The following FSD1L variants were observed in gnomAD, a reference collection of about 807,000 sequenced individuals.
FSD1L encodes the protein fibronectin type III and SPRY domain containing 1 like, also known as FSD1-like protein.
In FSD1L, 45 loss-of-function variants were observed where a neutral mutation model predicts 71.6. The ratio of observed to expected loss-of-function variants is 0.63; its 90% CI spans 0.49 to 0.81. The LOEUF is 0.81. Ranked by LOEUF, FSD1L falls within the 30% of genes least tolerant of loss-of-function variation. The probability of loss-of-function intolerance (pLI) is 0.00; values close to 1 mark genes in which losing one functional copy is unlikely to be tolerated. For missense variants in FSD1L, 561 were observed against 618.1 expected (o/e 0.91, Z 0.98); for synonymous variants, 197 against 207.2 (o/e 0.95, Z 0.42).
chr9:105,462,414 T>C (rs1192908360), intron 2 of FSD1L, among the ~76,000 whole-genome samples: 2 of 151,852 alleles, frequency 1.3e-5, no homozygotes, highest in African/African-American at 4.8e-5. Flanking sequence ...AGAGACAGGG[T>C]TTCGCCATGT....
chr9:105,540,164 T>A (rs533557647), intron 13 of FSD1L, among the ~76,000 whole-genome samples: 5 of 152,228 alleles, frequency 3.3e-5, no homozygotes, highest in South Asian at 2.1e-4. Context: ...TTTTAAAAAA[T>A]TTTTTGTCCT....
chr9:105,528,156 G>A (rs146901544), intron 10 of FSD1L, among the ~76,000 whole-genome samples: 2 of 152,110 alleles, frequency 1.3e-5, no homozygotes, highest in African/African-American at 2.4e-5. Context: ...CAAACAAATG[G>A]AAAAACATTC....
chr9:105,504,393 AT>A (rs1274130654), intron 7 of FSD1L, among the ~76,000 whole-genome samples: 1 of 152,220 alleles, frequency 6.6e-6, no homozygotes, highest in South Asian at 2.1e-4. Flanking sequence ...ACAATTACAC[AT>A]GTAGAATTTA....
chr9:105,520,036 T>C, intron 10 of FSD1L: 2 of 1,487,910 alleles, frequency 1.3e-6, no homozygotes, highest in South Asian at 1.3e-5. Flanking sequence ...TGAGCCTCTC[T>C]GGCTAGTCTC....
intron 7 of FSD1L, among the ~76,000 whole-genome samples, chr9:105,504,892 A>G (rs574977106): frequency 6.6e-6 from 1 of 152,308 alleles, no homozygotes; most frequent in South Asian, 2.1e-4. Flanking sequence ...GAACAGGGTT[A>G]TATTTGTGGA....
At chr9:105,533,586 C>T (rs1448158669) in intron 10 of FSD1L, among the ~76,000 whole-genome samples, 1 of 149,526 alleles carries the variant, frequency 6.7e-6, no homozygotes, top group African/African-American at 2.5e-5. Context: ...CCACACCCAG[C>T]TAATTTTTGT....
intron 7 of FSD1L, among the ~76,000 whole-genome samples, chr9:105,502,772 A>G (rs990694139): frequency 6.6e-6 from 1 of 152,134 alleles, no homozygotes; most frequent in Non-Finnish European, 1.5e-5. Flanking sequence ...GTACAGTCAA[A>G]TAGATTGCAT....
At chr9:105,492,742 G>A (rs557117965) in intron 7 of FSD1L, among the ~76,000 whole-genome samples, 8 of 151,862 alleles carry the variant, frequency 5.3e-5, no homozygotes, top group South Asian at 2.1e-4. Context: ...TATTTCTGCC[G>A]TCATTTTGTT....
intron 7 of FSD1L, among the ~76,000 whole-genome samples, chr9:105,488,154 C>G (rs746738884): frequency 6.6e-6 from 1 of 152,078 alleles, no homozygotes; most frequent in African/African-American, 2.4e-5. Flanking sequence ...TTTCACTGCC[C>G]GAAAAATCCG....
chr9:105,470,781 T>C (rs1283341880), intron 4 of FSD1L, among the ~76,000 whole-genome samples: 1 of 152,196 alleles, frequency 6.6e-6, no homozygotes, highest in Admixed American at 6.5e-5. Flanking sequence ...ACTTAAATAA[T>C]TCAAGGATAA....
At chr9:105,513,408 G>T (rs1401655021) in intron 10 of FSD1L, among the ~76,000 whole-genome samples, 1 of 152,152 alleles carries the variant, frequency 6.6e-6, no homozygotes, top group Admixed American at 6.5e-5. Flanking sequence ...TTTAAATAAA[G>T]TCAAAACATG....
At chr9:105,494,983 T>G (rs10761099) in intron 7 of FSD1L, among the ~76,000 whole-genome samples, 6 of 152,330 alleles carry the variant, frequency 3.9e-5, no homozygotes, top group African/African-American at 9.6e-5. Context: ...GCTGTCTGCC[T>G]GTTCTCAGAT....
At chr9:105,453,465 C>T (rs1382926384) in intron 1 of FSD1L, among the ~76,000 whole-genome samples, 3 of 152,006 alleles carry the variant, frequency 2.0e-5, no homozygotes, top group South Asian at 2.1e-4. Flanking sequence ...GGAGACACTG[C>T]GCCTGGCCTA....
chr9:105,510,495 A>G (rs1834330678), intron 9 of FSD1L, among the ~76,000 whole-genome samples: 1 of 152,156 alleles, frequency 6.6e-6, no homozygotes, highest in Non-Finnish European at 1.5e-5. Context: ...TTTTCAACCA[A>G]CCAGTAGAAA....
chr9:105,462,341 G>T (rs1480076404), intron 2 of FSD1L, among the ~76,000 whole-genome samples: 9 of 148,362 alleles, frequency 6.1e-5, no homozygotes, highest in African/African-American at 2.0e-4. Context: ...TCAGCCTCCC[G>T]AATAGCTGAG....
upstream of FSD1L, among the ~76,000 whole-genome samples, chr9:105,443,329 C>CTT (rs1415941846): frequency 2.0e-5 from 3 of 152,200 alleles, no homozygotes; most frequent in Non-Finnish European, 4.4e-5. Context: ...TGAAAGACAG[C>CTT]TTTCATCTGC....
chr9:105,488,201 C>A (rs1298156181), intron 7 of FSD1L, among the ~76,000 whole-genome samples: 1 of 152,200 alleles, frequency 6.6e-6, no homozygotes, highest in African/African-American at 2.4e-5. Flanking sequence ...TACTCCCAGT[C>A]AATGGCAACC....
At chr9:105,514,363 C>T (rs919546918) in intron 10 of FSD1L, among the ~76,000 whole-genome samples, 9 of 152,102 alleles carry the variant, frequency 5.9e-5, no homozygotes, top group South Asian at 2.1e-4. Context: ...GAGTATTTTA[C>T]GTATAGGCTA....
In FSD1L at chr9:105,521,593, T is replaced by A. The variant is rs1211913091; in HGVS notation, c.1025+8657T>A. The A allele has an allele frequency of 3.7e-6, 6 of 1,613,348 alleles. No homozygotes were observed. In the African/African-American group the frequency reaches 8.0e-5, roughly 22 times the overall value. ...TGGATCCAACAAGAGGAAAAACCTTTGTTCATGCAAGAGCCTGAAGAAATT... is the reference window on the plus strand; with the variant it reads ...TGGATCCAACAAGAGGAAAAACCTTAGTTCATGCAAGAGCCTGAAGAAATT... On this transcript the variant is annotated intron_variant, in intron 10 of 13. Coordinates refer to ENST00000481272, the MANE Select transcript of FSD1L (RefSeq NM_001145313.3).
Sources: gnomAD v4.1 joint callset for allele counts (sites outside exome capture counted in the v4.1 genomes callset) on GRCh38, gnomAD v4.1.1 for gene constraint, MANE v1.5 for transcripts, NCBI Gene and HGNC (gene_info 2026-07-23, HGNC 2026-07-21) for gene names.